Variants in GLIS3 observed in about 807,000 individuals in gnomAD.
GLIS3 encodes zinc finger protein GLIS3.
GLIS3 carries 53 observed loss-of-function variants against 78.6 expected under a neutral mutation model. The observed-to-expected ratio is 0.67, with a 90% CI of 0.54 to 0.85. The LOEUF (loss-of-function observed/expected upper bound fraction) is 0.85, where lower values mean the gene tolerates loss of function less well. Among genes scored for constraint, GLIS3 ranks in the 40% least tolerant of loss-of-function variants. The pLI is 0.00. For missense variants in GLIS3, 1,703 were observed against 1,231.1 expected, an observed-to-expected ratio of 1.38 and a Z score of -5.74; for synonymous variants, 684 against 509.9, an observed-to-expected ratio of 1.34 and a Z score of -4.60.
chr9:4,200,503 G>T (rs961578032), intron 2 of GLIS3, among the ~76,000 whole-genome samples: 1 of 151,890 alleles, frequency 6.6e-6, no homozygotes, highest in African/African-American at 2.4e-5. Context: ...GAAACACAAA[G>T]GATCTTCAGA....
chr9:4,147,664 T>TCCC (rs34410048), intron 2 of GLIS3: 46,870 of 151,732 alleles, frequency 0.31, 7,354 homozygotes, highest in Admixed American at 0.36. Flanking sequence ...AAACAATGAC[T>TCCC]CCCTTCAAGG....
At chr9:4,136,510 C>T (rs1032309556) in intron 2 of GLIS3, among the ~76,000 whole-genome samples, 2 of 152,158 alleles carry the variant, frequency 1.3e-5, no homozygotes, top group Non-Finnish European at 2.9e-5. Context: ...AATGTAAATG[C>T]ATGTGATAAA....
chr9:4,487,370 T>G, the GLIS3 span, among the ~76,000 whole-genome samples: 1 of 152,138 alleles, frequency 6.6e-6, no homozygotes, highest in Non-Finnish European at 1.5e-5. Flanking sequence ...TCACACAGAT[T>G]ATTGTATTAA....
At chr9:4,133,874 A>ACACACACACACACACC (rs768664577) in intron 2 of GLIS3, among the ~76,000 whole-genome samples, 4 of 123,986 alleles carry the variant, frequency 3.2e-5, no homozygotes, top group South Asian at 2.7e-4. Flanking sequence ...ACACACACAC[A>ACACACACACACACACC]CCGTACATCT....
At chr9:4,464,586 G>T in the GLIS3 span, among the ~76,000 whole-genome samples, 1 of 151,856 alleles carries the variant, frequency 6.6e-6, no homozygotes, top group Non-Finnish European at 1.5e-5. Flanking sequence ...GTAGAGGCGG[G>T]ATTTCACCAT....
At chr9:4,488,811 C>G in the GLIS3 span, among the ~76,000 whole-genome samples, 4 of 152,192 alleles carry the variant, frequency 2.6e-5, no homozygotes, top group Non-Finnish European at 5.9e-5. Context: ...AGCCATCGCG[C>G]CCGGGACTAT....
intron 2 of GLIS3, among the ~76,000 whole-genome samples, chr9:4,150,266 A>C (rs1209673308): frequency 2.0e-5 from 3 of 152,232 alleles, no homozygotes; most frequent in South Asian, 4.1e-4. Context: ...CTTTGATCTT[A>C]CACAACTGGA....
upstream of GLIS3, among the ~76,000 whole-genome samples, chr9:4,301,087 G>C (rs1817051133): frequency 1.3e-5 from 2 of 152,044 alleles, no homozygotes; most frequent in Admixed American, 1.3e-4. Flanking sequence ...AAAGACTATT[G>C]GCAGTTTTCA....
At chr9:4,129,291 T>C (rs145479637) in intron 2 of GLIS3, among the ~76,000 whole-genome samples, 24 of 152,306 alleles carry the variant, frequency 1.6e-4, no homozygotes, top group African/African-American at 5.5e-4. Flanking sequence ...TTGTGCCGTA[T>C]TTCTCCATGT....
At chr9:4,143,161 C>G (rs536629915) in intron 2 of GLIS3, among the ~76,000 whole-genome samples, 2 of 152,116 alleles carry the variant, frequency 1.3e-5, no homozygotes, top group African/African-American at 4.8e-5. Flanking sequence ...TACGTACACA[C>G]TGTGAAACAA....
chr9:4,426,531 C>T, the GLIS3 span, among the ~76,000 whole-genome samples: 1 of 152,256 alleles, frequency 6.6e-6, no homozygotes, highest in African/African-American at 2.4e-5. Context: ...ATTACTCATT[C>T]TTTAAGACTG....
At chr9:4,049,539 C>T (rs1415882098) in intron 4 of GLIS3, among the ~76,000 whole-genome samples, 1 of 152,156 alleles carries the variant, frequency 6.6e-6, no homozygotes, top group Non-Finnish European at 1.5e-5. Context: ...TATTCGTAGT[C>T]TGATTCTTTC....
chr9:3,861,287 T>C (rs543978673), intron 8 of GLIS3, among the ~76,000 whole-genome samples: 119 of 152,284 alleles, frequency 7.8e-4, no homozygotes, highest in African/African-American at 2.6e-3. Context: ...CAACAGAAAG[T>C]GAGGCATTTT....
At chr9:3,838,521 G>C (rs1171860867) in intron 9 of GLIS3, among the ~76,000 whole-genome samples, 1 of 152,144 alleles carries the variant, frequency 6.6e-6, no homozygotes, top group East Asian at 1.9e-4. Context: ...ATGGGCATGG[G>C]AAAGCAGATG....
At chr9:4,404,967 C>T in the GLIS3 span, among the ~76,000 whole-genome samples, 1 of 151,986 alleles carries the variant, frequency 6.6e-6, no homozygotes, top group African/African-American at 2.4e-5. Context: ...AATTGATGAA[C>T]CTTTAACCAG....
intron 4 of GLIS3, among the ~76,000 whole-genome samples, chr9:4,077,571 C>T (rs1024845519): frequency 2.0e-5 from 3 of 152,170 alleles, no homozygotes; most frequent in African/African-American, 4.8e-5. Flanking sequence ...CTGGGTTGGC[C>T]GTTAAGCTAT....
intron 9 of GLIS3, among the ~76,000 whole-genome samples, chr9:3,849,870 C>T (rs887858078): frequency 2.0e-5 from 3 of 151,662 alleles, no homozygotes; most frequent in Admixed American, 2.0e-4. Flanking sequence ...GATTGCGCCA[C>T]TGCACCCCAG....
chr9:4,361,246 G>A, the GLIS3 span, among the ~76,000 whole-genome samples: 322 of 152,328 alleles, frequency 2.1e-3, 2 homozygotes, highest in African/African-American at 7.4e-3. Context: ...ACTGGTGGAT[G>A]TAAGGCAGTA....
chr9:4,122,580 G>A (rs1245630255), intron 3 of GLIS3, among the ~76,000 whole-genome samples: 1 of 152,196 alleles, frequency 6.6e-6, no homozygotes, highest in Non-Finnish European at 1.5e-5. Context: ...CTTTGTCACT[G>A]ACAAGCTAAG....
Sources: allele counts gnomAD v4.1 joint callset (sites outside exome capture counted in the v4.1 genomes callset), GRCh38; gene constraint gnomAD v4.1.1; transcripts MANE v1.5; gene names NCBI Gene and HGNC (gene_info 2026-07-23, HGNC 2026-07-21).